Variants in SPAG16 observed in about 807,000 individuals in gnomAD.
The protein encoded by SPAG16 is sperm associated antigen 16, also known as sperm-associated antigen 16 protein.
Under a neutral mutation model 80.4 loss-of-function variants are expected in SPAG16, and 86 were observed. That is an observed-to-expected ratio of 1.07 (90% CI 0.90 to 1.28). SPAG16 has a LOEUF of 1.28. Ranked by LOEUF, SPAG16 falls within the 50% of genes most tolerant of loss-of-function variation. SPAG16 has a pLI of 0.00. For missense variants in SPAG16, 870 were observed against 765.3 expected (o/e 1.14, Z -1.61); for synonymous variants, 294 against 265.9 (o/e 1.11, Z -1.03).
chr2:214,299,450 A>G (rs1046545294), intron 15 of SPAG16, among the ~76,000 whole-genome samples: 1 of 151,938 alleles, frequency 6.6e-6, no homozygotes, highest in Non-Finnish European at 1.5e-5. Flanking sequence ...GGGTTTCATC[A>G]TGTTGGCCAG....
chr2:213,339,356 GAC>G (rs2064554998), intron 5 of SPAG16, among the ~76,000 whole-genome samples: 1 of 151,710 alleles, frequency 6.6e-6, no homozygotes, highest in Non-Finnish European at 1.5e-5. Context: ...ATGGAAATGT[GAC>G]AGTGTCAATG....
Position 213,542,257 on chromosome 2 carries a change from C to G in SPAG16, c.1070+52167C>G, listed in dbSNP as rs145970673. Among the ~76,000 whole-genome samples the G allele has an allele frequency of 7.9e-4, 120 of 152,162 alleles. 2 individuals are homozygous for G. The highest frequency in any genetic ancestry group is 3.4e-3 in the Middle Eastern group (1 of 292). ...GAAGATGGTACTTGTGGTCATTCAT[C>G]CTTTTCATTTTTATTTATTTTTACA... On this transcript the variant is annotated intron_variant, in intron 10 of 15. Transcript: ENST00000331683.
chr2:213,997,376 G>A (rs958137134), intron 12 of SPAG16, among the ~76,000 whole-genome samples: 4 of 152,006 alleles, frequency 2.6e-5, no homozygotes, highest in East Asian at 1.9e-4. Flanking sequence ...AGAAGGGTTC[G>A]GCCTACATAA....
intron 10 of SPAG16, among the ~76,000 whole-genome samples, chr2:213,838,112 G>GA (rs146746707): frequency 4.2e-4 from 62 of 146,042 alleles, no homozygotes; most frequent in East Asian, 7.9e-4. Flanking sequence ...ATCAGCAAAG[G>GA]AAAAAAAAAA....
At chr2:213,715,224 C>CTATCTATT in intron 10 of SPAG16, among the ~76,000 whole-genome samples, 1 of 133,958 alleles carries the variant, frequency 7.5e-6, no homozygotes, top group Admixed American at 7.8e-5. Flanking sequence ...ATCTATCTGT[C>CTATCTATT]TATCTATCTA....
intron 13 of SPAG16, among the ~76,000 whole-genome samples, chr2:214,056,024 G>A (rs1344608652): frequency 6.6e-6 from 1 of 152,054 alleles, no homozygotes; most frequent in Non-Finnish European, 1.5e-5. Context: ...ATGATCCCTG[G>A]TTGGTGTTCA....
intron 15 of SPAG16, among the ~76,000 whole-genome samples, chr2:214,271,572 G>A (rs1046576237): frequency 1.3e-5 from 2 of 152,090 alleles, no homozygotes; most frequent in African/African-American, 2.4e-5. Flanking sequence ...AGGCCAAGGC[G>A]GGTGGATCAC....
intron 15 of SPAG16, among the ~76,000 whole-genome samples, chr2:214,348,539 C>T (rs144632395): frequency 6.6e-6 from 1 of 152,126 alleles, no homozygotes; most frequent in African/African-American, 2.4e-5. Context: ...TTTTTATTTG[C>T]TGAAATGTTC....
intron 10 of SPAG16, among the ~76,000 whole-genome samples, chr2:213,520,704 G>A (rs1437023626): frequency 2.6e-5 from 4 of 152,110 alleles, no homozygotes; most frequent in Non-Finnish European, 5.9e-5. Context: ...TCATAAACTT[G>A]GAAACAAAAT....
At chr2:214,227,385 A>G (rs2058720332) in intron 15 of SPAG16, among the ~76,000 whole-genome samples, 1 of 152,076 alleles carries the variant, frequency 6.6e-6, no homozygotes. Context: ...AGAATTAAGT[A>G]AATAAAAGCC....
intron 9 of SPAG16, among the ~76,000 whole-genome samples, chr2:213,472,760 A>G (rs966521970): frequency 7.4e-6 from 1 of 135,556 alleles, no homozygotes; most frequent in African/African-American, 3.8e-5. Flanking sequence ...GACCTCCATA[A>G]CCCCCTACTT....
At chr2:214,329,492 A>G (rs961651218) in intron 15 of SPAG16, among the ~76,000 whole-genome samples, 7 of 152,254 alleles carry the variant, frequency 4.6e-5, no homozygotes, top group Non-Finnish European at 1.0e-4. Flanking sequence ...AGAGGTAAAG[A>G]AAATGCAAAT....
At chr2:213,755,591 G>A (rs1318080624) in intron 10 of SPAG16, among the ~76,000 whole-genome samples, 1 of 152,056 alleles carries the variant, frequency 6.6e-6, no homozygotes. Context: ...TGTGTTTCAT[G>A]TACTGTCCTA....
At chr2:214,233,390 T>G (rs1688845913) in intron 15 of SPAG16, among the ~76,000 whole-genome samples, 1 of 149,492 alleles carries the variant, frequency 6.7e-6, no homozygotes, top group Non-Finnish European at 1.5e-5. Context: ...GATGGTAGAA[T>G]AGATGGATGG....
rs1045988177 is a variant in SPAG16, at chr2:213,871,838, T to TCACACA, written c.1214+9247_1214+9252dup. 8.5e-3 allele frequency among the ~76,000 whole-genome samples: 863 copies of TCACACA among 101,724 alleles called. 7 individuals carry two copies. The highest frequency in any genetic ancestry group is 0.028 in the African/African-American group (827 of 29,354). 66.7% of individuals were successfully genotyped at this position (101,724 alleles called of 152,430 possible). ...ACTTTACTGAATTACCTCAGGAAAT[T>TCACACA]CACACACACACACACACACACACAC... is the stretch of plus-strand genomic sequence containing the variant. On this transcript the variant is annotated intron_variant, in intron 11 of 15. Transcript: ENST00000331683.
At chr2:213,617,032 C>A (rs983248652) in intron 10 of SPAG16, among the ~76,000 whole-genome samples, 28 of 151,916 alleles carry the variant, frequency 1.8e-4, no homozygotes, top group Admixed American at 1.2e-3. Flanking sequence ...GTGTTGGTCC[C>A]GTGTGTAATG....
chr2:214,094,411 A>G (rs1382417633), intron 13 of SPAG16, among the ~76,000 whole-genome samples: 2 of 152,118 alleles, frequency 1.3e-5, no homozygotes, highest in Non-Finnish European at 2.9e-5. Context: ...TTAAAATACA[A>G]AGTCCTGAAA....
chr2:214,177,233 A>C (rs188451188), intron 15 of SPAG16, among the ~76,000 whole-genome samples: 20 of 151,236 alleles, frequency 1.3e-4, no homozygotes, highest in Admixed American at 1.2e-3. Flanking sequence ...ACCATTGCCT[A>C]AGCTCAAAGT....
chr2:214,303,521 A>G (rs1468869595), intron 15 of SPAG16, among the ~76,000 whole-genome samples: 1 of 152,150 alleles, frequency 6.6e-6, no homozygotes, highest in Non-Finnish European at 1.5e-5. Context: ...TTAATAGGTA[A>G]TGTGATGCTT....
Sources: gnomAD v4.1 joint callset for allele counts (sites outside exome capture counted in the v4.1 genomes callset) on GRCh38, gnomAD v4.1.1 for gene constraint, MANE v1.5 for transcripts, NCBI Gene and HGNC (gene_info 2026-07-23, HGNC 2026-07-21) for gene names.